The following SYN2 variants were observed in gnomAD, a reference collection of about 807,000 sequenced individuals.
SYN2 encodes the protein synapsin-2.
Under a neutral mutation model 50.9 loss-of-function variants are expected in SYN2, and 19 were observed. That is an observed-to-expected ratio of 0.37 (90% CI 0.26 to 0.55). The LOEUF is 0.55. Among genes scored for constraint, SYN2 ranks in the 20% least tolerant of loss-of-function variants. The pLI is 0.81. For missense variants in SYN2, 587 were observed against 576.4 expected, an observed-to-expected ratio of 1.02 and a Z score of -0.19; for synonymous variants, 255 against 224.9, an observed-to-expected ratio of 1.13 and a Z score of -1.20.
At chr3:12,010,702 C>A (rs984001095) in intron 1 of SYN2, among the ~76,000 whole-genome samples, 42 of 152,164 alleles carry the variant, frequency 2.8e-4, no homozygotes, top group African/African-American at 9.7e-4. Flanking sequence ...GTTTTTGTGC[C>A]ATTTTCTTTT....
intron 1 of SYN2, among the ~76,000 whole-genome samples, chr3:12,017,739 A>G (rs896822645): frequency 6.6e-6 from 1 of 152,234 alleles, no homozygotes; most frequent in East Asian, 1.9e-4. Context: ...AGCTTACTAC[A>G]TGAGTATTTA....
chr3:12,160,558 C>T (rs537924372), intron 5 of SYN2, among the ~76,000 whole-genome samples: 7 of 152,266 alleles, frequency 4.6e-5, no homozygotes, highest in South Asian at 4.2e-4. Context: ...ATGAAATGCC[C>T]GGGTTAGCAT....
chr3:12,124,454 G>A (rs559063337), intron 1 of SYN2, among the ~76,000 whole-genome samples: 7 of 152,248 alleles, frequency 4.6e-5, no homozygotes, highest in African/African-American at 1.7e-4. Context: ...GAAATAAAAT[G>A]TGTAATTACT....
chr3:12,142,067 G>A, intron 3 of SYN2, 71 bp downstream of exon 3: 1 of 767,884 alleles, frequency 1.3e-6, no homozygotes, highest in Non-Finnish European at 2.4e-6. Flanking sequence ...CAAAGAGGTG[G>A]TTTCTAAGTC....
chr3:12,081,213 A>G (rs1695582287), intron 1 of SYN2, among the ~76,000 whole-genome samples: 1 of 152,208 alleles, frequency 6.6e-6, no homozygotes, highest in Non-Finnish European at 1.5e-5. Flanking sequence ...TTATTTATGC[A>G]TGCACTATTG....
intron 1 of SYN2, among the ~76,000 whole-genome samples, chr3:12,098,052 G>A (rs544810721): frequency 6.6e-6 from 1 of 152,248 alleles, no homozygotes; most frequent in African/African-American, 2.4e-5. Flanking sequence ...TGAACTCTAA[G>A]TAGGATACAT....
intron 4 of SYN2, among the ~76,000 whole-genome samples, chr3:12,146,889 C>G (rs1223128602): frequency 6.6e-6 from 1 of 152,188 alleles, no homozygotes; most frequent in Non-Finnish European, 1.5e-5. Flanking sequence ...ATCACATCCT[C>G]ATTGGCTTGC....
chr3:12,115,060 T>C (rs554652358), intron 1 of SYN2, among the ~76,000 whole-genome samples: 5 of 152,274 alleles, frequency 3.3e-5, no homozygotes, highest in Admixed American at 3.3e-4. Flanking sequence ...TGACTTCACC[T>C]TTGTCATTTC....
intron 1 of SYN2, among the ~76,000 whole-genome samples, chr3:12,059,234 T>C (rs1437168491): frequency 1.3e-5 from 2 of 152,266 alleles, no homozygotes; most frequent in Admixed American, 1.3e-4. Flanking sequence ...CAGGAGTAAA[T>C]TTCAGGAAAG....
At chr3:12,020,555 C>G (rs1240944358) in intron 1 of SYN2, among the ~76,000 whole-genome samples, 1 of 152,090 alleles carries the variant, frequency 6.6e-6, no homozygotes, top group Non-Finnish European at 1.5e-5. Context: ...TGCTTTCCCC[C>G]AGACCCTTAG....
intron 1 of SYN2, among the ~76,000 whole-genome samples, chr3:12,042,522 T>C (rs909338022): frequency 6.6e-6 from 1 of 152,216 alleles, no homozygotes; most frequent in African/African-American, 2.4e-5. Flanking sequence ...AGGTAATGTC[T>C]TCCTGTGAAC....
chr3:12,177,607 T>A (rs1256835193), intron 10 of SYN2, among the ~76,000 whole-genome samples: 1 of 152,200 alleles, frequency 6.6e-6, no homozygotes, highest in African/African-American at 2.4e-5. Context: ...AAGGCCTTCC[T>A]GCTTCCCACA....
chr3:12,112,318 A>G (rs1344565028), intron 1 of SYN2, among the ~76,000 whole-genome samples: 7 of 152,140 alleles, frequency 4.6e-5, no homozygotes, highest in Admixed American at 3.9e-4. Context: ...GTCAGATTCA[A>G]TGAATTAATT....
chr3:12,044,205 A>ACACC (rs1694685945), intron 1 of SYN2, among the ~76,000 whole-genome samples: 3 of 135,134 alleles, frequency 2.2e-5, no homozygotes, highest in Admixed American at 7.6e-5. Flanking sequence ...ACACACACAC[A>ACACC]CACACACACA....
intron 7 of SYN2, among the ~76,000 whole-genome samples, chr3:12,164,984 C>CTTTTTTTTTTT (rs68043865): frequency 6.5e-5 from 6 of 92,342 alleles, no homozygotes; most frequent in Non-Finnish European, 1.1e-4. Context: ...TTTTTCTTTT[C>CTTTTTTTTTTT]TTTTTTTTTT....
At chr3:12,106,167 C>T (rs1696185034) in intron 1 of SYN2, among the ~76,000 whole-genome samples, 1 of 152,166 alleles carries the variant, frequency 6.6e-6, no homozygotes, top group South Asian at 2.1e-4. Context: ...GGGCCACTCC[C>T]AGTTCCTCCA....
At chr3:12,185,194 T>C (rs1370194628) in intron 11 of SYN2, 4 of 985,772 alleles carry the variant, frequency 4.1e-6, no homozygotes, top group Non-Finnish European at 4.8e-6. Flanking sequence ...ATCAGGTCCT[T>C]AAATACCTCC....
intron 1 of SYN2, chr3:12,070,934 C>A: frequency 1.8e-6 from 1 of 554,530 alleles, no homozygotes; most frequent in South Asian, 1.5e-5. Flanking sequence ...GCCGCATCCT[C>A]CTCCTCTCTG....
intron 7 of SYN2, 97 bp downstream of exon 7, chr3:12,162,251 T>C: frequency 1.4e-6 from 2 of 1,473,130 alleles, no homozygotes; most frequent in Non-Finnish European, 1.8e-6. Flanking sequence ...GGGTGCCACT[T>C]AAGTCAGAGA....
Sources: gnomAD v4.1 joint callset for allele counts (sites outside exome capture counted in the v4.1 genomes callset) on GRCh38, gnomAD v4.1.1 for gene constraint, MANE v1.5 for transcripts, NCBI Gene and HGNC (gene_info 2026-07-23, HGNC 2026-07-21) for gene names.